CTNNA3: variants seen among roughly 807,000 people sequenced by gnomAD.
CTNNA3 encodes the protein catenin alpha-3.
CTNNA3 carries 76 observed loss-of-function variants against 95.7 expected under a neutral mutation model. The observed-to-expected ratio is 0.79, with a 90% CI of 0.66 to 0.96. The LOEUF (loss-of-function observed/expected upper bound fraction) is 0.96, where lower values mean the gene tolerates loss of function less well. CTNNA3 is among the 40% of genes least tolerant of loss of function. CTNNA3 has a pLI of 0.00. For synonymous variants in CTNNA3, 431 were observed against 374.4 expected (o/e 1.15, Z -1.74); for missense variants, 1,191 against 1,089.8 (o/e 1.09, Z -1.31).
chr10:67,328,446 C>G (rs1841642756), intron 5 of CTNNA3, among the ~76,000 whole-genome samples: 1 of 152,194 alleles, frequency 6.6e-6, no homozygotes, highest in Non-Finnish European at 1.5e-5. Flanking sequence ...CCTAGTCCTG[C>G]ACCAAACTCT....
intron 11 of CTNNA3, among the ~76,000 whole-genome samples, chr10:66,494,926 G>A (rs1278199698): frequency 6.6e-6 from 1 of 152,180 alleles, no homozygotes; most frequent in Non-Finnish European, 1.5e-5. Flanking sequence ...AATAGTTGGT[G>A]AGAGAGCACA....
At chr10:66,841,924 A>G (rs991433031) in intron 7 of CTNNA3, among the ~76,000 whole-genome samples, 3 of 152,050 alleles carry the variant, frequency 2.0e-5, no homozygotes, top group African/African-American at 7.2e-5. Context: ...GGCAGGAAAG[A>G]ATTTCCCATG....
intron 9 of CTNNA3, among the ~76,000 whole-genome samples, chr10:66,640,552 T>C (rs1216391855): frequency 6.6e-6 from 1 of 152,134 alleles, no homozygotes; most frequent in Non-Finnish European, 1.5e-5. Flanking sequence ...TACAGGCTTA[T>C]CTCTGAAGAT....
At chr10:66,213,536 T>C (rs1233384652) in intron 13 of CTNNA3, among the ~76,000 whole-genome samples, 3 of 152,218 alleles carry the variant, frequency 2.0e-5, no homozygotes, top group African/African-American at 7.2e-5. Context: ...TTATATCCAG[T>C]ATATTTCATT....
chr10:66,637,229 G>A (rs548336394), intron 9 of CTNNA3, among the ~76,000 whole-genome samples: 281 of 152,274 alleles, frequency 1.8e-3, no homozygotes, highest in Non-Finnish European at 2.9e-3. Context: ...AATACTGAAA[G>A]TTACATTGCA....
At chr10:66,061,689 G>A (rs559065674) in intron 15 of CTNNA3, among the ~76,000 whole-genome samples, 2 of 151,746 alleles carry the variant, frequency 1.3e-5, no homozygotes, top group South Asian at 2.1e-4. Context: ...CTAAATGGAC[G>A]TGACTCATTC....
In CTNNA3 at chr10:66,520,680, T is replaced by G; in HGVS notation, c.1468A>C (p.Ile490Leu). 6.2e-7 allele frequency: 1 copy of G among 1,612,198 alleles called. No homozygotes were observed. Among genetic ancestry groups the G allele is most frequent in the Non-Finnish European group, 8.5e-7 (1 of 1,178,914 alleles). The stretch of plus-strand genomic sequence containing the variant: ...TCTACGGCTTCAGTGAGGACATGTA[T>G]ATGATTCTCCCATGTACGCTTGTAC... The part of the protein sequence containing the change: ...EMYKRTWENH[I>L]HVLTEAVDDI... The change falls in exon 11 of 18, where the codon ATA becomes CTA. Residue 490 changes from isoleucine (I) to leucine (L), a missense_variant. By Grantham distance (5) the Ile-to-Leu change is conservative. Coordinates refer to ENST00000433211, the MANE Select transcript of CTNNA3 (RefSeq NM_013266.4).
intron 3 of CTNNA3, among the ~76,000 whole-genome samples, chr10:67,557,701 T>G (rs964758384): frequency 5.9e-5 from 9 of 152,202 alleles, no homozygotes; most frequent in African/African-American, 2.2e-4. Flanking sequence ...AGGAATTTGT[T>G]CAGGGTTATT....
At chr10:67,097,197 T>C (rs897897245) in intron 7 of CTNNA3, among the ~76,000 whole-genome samples, 1 of 151,922 alleles carries the variant, frequency 6.6e-6, no homozygotes, top group Non-Finnish European at 1.5e-5. Flanking sequence ...TGTTCTATTG[T>C]ATCCTAACCA....
At chr10:66,886,196 T>A (rs566417331) in intron 7 of CTNNA3, among the ~76,000 whole-genome samples, 28 of 152,196 alleles carry the variant, frequency 1.8e-4, no homozygotes, top group Middle Eastern at 3.4e-3. Context: ...TTTTGGAGAA[T>A]GCTCTGGAAT....
In CTNNA3 at chr10:66,528,004, T is replaced by C. The variant is rs186671424; in HGVS notation, c.1375-7231A>G. Among the ~76,000 whole-genome samples the C allele has an allele frequency of 2.4e-3, 367 of 152,186 alleles. 1 individual carries two copies. Among genetic ancestry groups the C allele is most frequent in the Non-Finnish European group, 4.2e-3 (289 of 68,002 alleles). ...AAGGAATTAATTGGATTGATTGAGG[T>C]TATAGGAGGAGTACACAGAACTCCA... is the stretch of plus-strand genomic sequence containing the variant. On this transcript the variant is annotated intron_variant, in intron 10 of 17. Coordinates refer to ENST00000433211, the MANE Select transcript of CTNNA3 (RefSeq NM_013266.4).
In CTNNA3 at chr10:67,482,527, C is replaced by A. The variant is rs574357502; in HGVS notation, c.579+39315G>T. On this transcript the variant is annotated intron_variant, in intron 5 of 17. Transcript: ENST00000433211. ...TTTGAAGCAATTGTGAATGGGAGTTCACTCATGATTTGGCTCTCTGTTTGT... is the reference window on the plus strand; with the variant it reads ...TTTGAAGCAATTGTGAATGGGAGTTAACTCATGATTTGGCTCTCTGTTTGT... 1.2e-3 allele frequency among the ~76,000 whole-genome samples: 183 copies of A among 152,168 alleles called. 1 individual carries two copies. Among genetic ancestry groups the A allele is most frequent in the South Asian group, 8.7e-3 (42 of 4,808 alleles).
intron 13 of CTNNA3, among the ~76,000 whole-genome samples, chr10:66,110,601 T>C (rs2082086579): frequency 6.6e-6 from 1 of 152,180 alleles, no homozygotes. Context: ...AATACCAGAA[T>C]TTAATAAGCT....
intron 12 of CTNNA3, among the ~76,000 whole-genome samples, chr10:66,312,450 T>TTG (rs2092033788): frequency 6.6e-6 from 1 of 151,832 alleles, no homozygotes; most frequent in Non-Finnish European, 1.5e-5. Flanking sequence ...GTGTGTTGTG[T>TTG]TGTGTGTGTG....
At chr10:67,726,647 CTATAA>C (rs1218744092) in intron 1 of CTNNA3, among the ~76,000 whole-genome samples, 7 of 3,716 alleles carry the variant, frequency 1.9e-3, no homozygotes, top group Non-Finnish European at 3.3e-3. Flanking sequence ...ATAATATATA[CTATAA>C]TATATTATAT....
At chr10:67,730,120 A>G (rs1841266305) in intron 1 of CTNNA3, among the ~76,000 whole-genome samples, 1 of 152,142 alleles carries the variant, frequency 6.6e-6, no homozygotes, top group East Asian at 1.9e-4. Flanking sequence ...TCTCTTGTGG[A>G]GGGACAATCT....
intron 1 of CTNNA3, among the ~76,000 whole-genome samples, chr10:67,656,164 AAAG>A (rs1840019549): frequency 6.6e-6 from 1 of 152,214 alleles, no homozygotes; most frequent in South Asian, 2.1e-4. Flanking sequence ...GCCTACCAAG[AAAG>A]AAATACATAC....
intron 13 of CTNNA3, among the ~76,000 whole-genome samples, chr10:66,192,869 G>T (rs1321018440): frequency 2.0e-5 from 3 of 152,172 alleles, no homozygotes; most frequent in Admixed American, 2.0e-4. Flanking sequence ...TGCTTGGTTT[G>T]TGTGACTACT....
At chr10:65,925,484 T>A (rs1342103256) in intron 17 of CTNNA3, among the ~76,000 whole-genome samples, 1 of 152,206 alleles carries the variant, frequency 6.6e-6, no homozygotes, top group Non-Finnish European at 1.5e-5. Context: ...TTGTCCAGAC[T>A]GGAGTGCATT....
Sources: gnomAD v4.1 joint callset for allele counts (sites outside exome capture counted in the v4.1 genomes callset) on GRCh38, gnomAD v4.1.1 for gene constraint, MANE v1.5 for transcripts, NCBI Gene and HGNC (gene_info 2026-07-23, HGNC 2026-07-21) for gene names.